Variants in HEY2 observed in about 807,000 individuals in gnomAD.
The protein encoded by HEY2 is hes related family bHLH transcription factor with YRPW motif 2.
In HEY2, 10 loss-of-function variants were observed where a neutral mutation model predicts 18.1. The observed-to-expected ratio is 0.55, with a 90% CI of 0.34 to 0.94. The LOEUF (loss-of-function observed/expected upper bound fraction) is 0.94, where lower values mean the gene tolerates loss of function less well. HEY2 is among the 40% of genes least tolerant of loss of function. The pLI is 0.02. For missense variants in HEY2, 455 were observed against 455.9 expected, an observed-to-expected ratio of 1.00 and a Z score of 0.02; for synonymous variants, 210 against 182.7, an observed-to-expected ratio of 1.15 and a Z score of -1.21.
Position 125,754,562 on chromosome 6 carries a change from C to CTT in HEY2, c.328+16_328+17insTT. On this transcript the variant is annotated intron_variant, in intron 4 of 4. Transcript: ENST00000368364. ...GGGGGTAAAGGTAAGTAGATGACTT[C>CTT]ATTTTTTTTTTTTTTTGCCTTTTTT... 1.7e-6 allele frequency: 2 copies of CTT among 1,172,456 alleles called. No homozygotes were observed. The highest frequency in any genetic ancestry group is 2.4e-5 in the Admixed American group (1 of 41,048). 72.6% of individuals were successfully genotyped at this position (1,172,456 alleles called of 1,614,324 possible).
chr6:125,758,278 C>T (rs1773705165), intron 4 of HEY2, among the ~76,000 whole-genome samples: 1 of 152,052 alleles, frequency 6.6e-6, no homozygotes, highest in African/African-American at 2.4e-5. Context: ...ATGGTAGTAA[C>T]CATAGGTATA....
rs1276325192 is a variant in HEY2, at chr6:125,760,552, T to G, written c.*750T>G. On this transcript the variant is annotated 3_prime_UTR_variant, in exon 5 of 5. Transcript: ENST00000368364. ...GCCTGCAGGCCCCCAGGCACTTTTT[T>G]TTTTGGATGGCTCAAAATATGGTGC... 2.0e-5 allele frequency: 3 copies of G among 152,198 alleles called. No homozygotes were observed. Among genetic ancestry groups the G allele is most frequent in the Admixed American group, 6.5e-5 (1 of 15,286 alleles). 9.4% of individuals were successfully genotyped at this position (152,198 alleles called of 1,614,324 possible).
chr6:125,758,994 T>C (rs1390632936), intron 4 of HEY2, 123 bp from the exon 5 acceptor site: 5 of 673,698 alleles, frequency 7.4e-6, no homozygotes, highest in Non-Finnish European at 1.2e-5. Context: ...ATCGTTCCAC[T>C]TCAGTCTTCT....
At position 125,752,441 on chromosome 6, in the gene HEY2, A is replaced by AAAC. The variant is rs747487024; in HGVS notation, c.246+352_246+354dup. Among the ~76,000 whole-genome samples the AAAC allele has an allele frequency of 1.1e-3, 174 of 151,784 alleles. 1 individual carries two copies. The highest frequency in any genetic ancestry group is 3.7e-3 in the South Asian group (18 of 4,818). ...ACCGTATCCTTCAAAAAAAAAAAAAAAACCATTTTTTTCTCAAAATTTTTT... is the reference window on the plus strand; with the variant it reads ...ACCGTATCCTTCAAAAAAAAAAAAAAAACAACCATTTTTTTCTCAAAATTTTTT... On this transcript the variant is annotated intron_variant, in intron 3 of 4. Coordinates refer to ENST00000368364, the MANE Select transcript of HEY2 (RefSeq NM_012259.3).
chr6:125,759,320 C>A lies in HEY2; in HGVS notation c.532C>A (p.His178Asn). ...AMTSSMAHHH[H>N]PLHPHHWAAA... is the part of the protein sequence containing the mutation. ...GACATCCTCCATGGCCCACCACCAT[C>A]ATCCGCTCCACCCGCATCACTGGGC... Residue 178 changes from histidine (H) to asparagine (N), a missense_variant, in exon 5 of 5, where the codon CAT (histidine) becomes AAT (asparagine). His to Asn is a moderately conservative substitution (Grantham distance 68). Transcript: ENST00000368364. 1 of 1,605,638 alleles carries A rather than the reference C, an allele frequency of 6.2e-7. No homozygotes were observed. The highest frequency in any genetic ancestry group is 1.1e-5 in the South Asian group (1 of 90,798).
At position 125,749,755 on chromosome 6, in the gene HEY2, G is replaced by C. The variant is rs532500814; in HGVS notation, c.-22G>C. 6.4e-6 allele frequency: 10 copies of C among 1,551,740 alleles called. No homozygotes were observed. The African/African-American group carries it at 9.6e-5, about 15-fold the overall frequency. ...GCGTCCGAGCTTCCGGCCGGGCTGTGCCCCGCGCGGTCTTCGCCGGGATGA... is the reference window on the plus strand; with the variant it reads ...GCGTCCGAGCTTCCGGCCGGGCTGTCCCCCGCGCGGTCTTCGCCGGGATGA... On this transcript the variant is annotated 5_prime_UTR_variant, in exon 1 of 5. Coordinates refer to ENST00000368364, the MANE Select transcript of HEY2 (RefSeq NM_012259.3).
intron 4 of HEY2, 24 bp downstream of exon 4, chr6:125,754,570 T>C: frequency 1.4e-6 from 2 of 1,411,168 alleles, no homozygotes; most frequent in Non-Finnish European, 2.0e-6. Context: ...TTCATTTTTT[T>C]TTTTTTTTGC....
chr6:125,756,489 C>T (rs1211615797), intron 4 of HEY2, among the ~76,000 whole-genome samples: 3 of 152,088 alleles, frequency 2.0e-5, no homozygotes, highest in Non-Finnish European at 2.9e-5. Flanking sequence ...ATTGCTTGAA[C>T]CCGGGAGGCA....
Position 125,754,509 on chromosome 6 carries a change from G to C in HEY2, c.291G>C (p.Val97=), listed in dbSNP as rs1399586441. The C allele has an allele frequency of 2.5e-6, 4 of 1,602,426 alleles. No individual in the cohort carries two copies. Among genetic ancestry groups the C allele is most frequent in the Non-Finnish European group, 3.4e-6 (4 of 1,174,204 alleles). Residue 97 remains valine, a synonymous_variant, in exon 4 of 5, where the codon GTG becomes GTC. Coordinates refer to ENST00000368364, the MANE Select transcript of HEY2 (RefSeq NM_012259.3). ...AAGCTGAAATATTGCAAATGACAGTGGATCATTTGAAGATGCTTCAGGCAA... is the reference window on the plus strand; with the variant it reads ...AAGCTGAAATATTGCAAATGACAGTCGATCATTTGAAGATGCTTCAGGCAA... ...LEKAEILQMT[V]DHLKMLQATG...
chr6:125,749,660 G>A lies in HEY2; in HGVS notation c.-117G>A. 1 of 597,066 alleles carries A rather than the reference G, an allele frequency of 1.7e-6. No homozygotes were observed. The highest frequency in any genetic ancestry group is 2.7e-6 in the Non-Finnish European group (1 of 376,608). The allele number at this position is 597,066 out of a possible 1,614,324, so 37.0% of individuals were successfully genotyped here. The stretch of plus-strand genomic sequence containing the variant: ...AGAGCCGCTAGGAGCAGACCGCGCC[G>A]CCGCCGGAGCCGCGCCTGCCCAGGC... On this transcript the variant is annotated 5_prime_UTR_variant, in exon 1 of 5. Transcript: ENST00000368364.
chr6:125,759,526 C>G lies in HEY2; in HGVS notation c.738C>G (p.Val246=). The change falls in exon 5 of 5, where the codon GTC becomes GTG. Residue 246 remains valine, a synonymous_variant. Transcript: ENST00000368364. The part of the protein sequence containing the change: ...SALRMPSTGS[V]APCVPPLSTS... ...TCCGAATGCCATCCACGGGCAGCGT[C>G]GCCCCCTGCGTGCCACCTCTCTCCA... is the stretch of plus-strand genomic sequence containing the variant. 6.2e-7 allele frequency: 1 copy of G among 1,611,066 alleles called. No individual in the cohort carries two copies.
At chr6:125,754,435 G>T (rs757671162) in intron 3 of HEY2, 30 bp from the exon 4 acceptor site, 4 of 1,304,426 alleles carry the variant, frequency 3.1e-6, no homozygotes, top group South Asian at 2.8e-5. Flanking sequence ...TAGGACATAG[G>T]ATTATTTATT....
intron 3 of HEY2, 35 bp downstream of exon 3, chr6:125,752,125 C>G: frequency 8.2e-7 from 1 of 1,220,414 alleles, no homozygotes; most frequent in African/African-American, 1.6e-5. Context: ...CCCCCACCCA[C>G]CCCGCCACCC....
chr6:125,752,132 AC>A, intron 3 of HEY2, 42 bp downstream of exon 3: 2 of 758,660 alleles, frequency 2.6e-6, no homozygotes, highest in Non-Finnish European at 3.4e-6. Flanking sequence ...CCACCCCGCC[AC>A]CCCCCAAAAA....
At chr6:125,750,409 C>A (rs1023861328) in intron 1 of HEY2, 1 of 985,044 alleles carries the variant, frequency 1.0e-6, no homozygotes, top group African/African-American at 1.7e-5. Flanking sequence ...GGCATCATTT[C>A]TTTGACTGCT....
chr6:125,751,751 A>G (rs1247745543), intron 1 of HEY2, 50 bp from the exon 2 acceptor site: 2 of 1,232,190 alleles, frequency 1.6e-6, no homozygotes, highest in Non-Finnish European at 2.4e-6. Flanking sequence ...ACCCAGAAGA[A>G]ACTATTGTTA....
intron 3 of HEY2, 24 bp from the exon 4 acceptor site, chr6:125,754,441 T>G (rs1751574482): frequency 7.5e-7 from 1 of 1,336,440 alleles, no homozygotes; most frequent in Non-Finnish European, 1.0e-6. Flanking sequence ...ATAGGATTAT[T>G]TATTTATTTA....
At position 125,759,564 on chromosome 6, in the gene HEY2, C is replaced by T; in HGVS notation, c.776C>T (p.Ser259Phe). 3 of 1,610,938 alleles carry T rather than the reference C, an allele frequency of 1.9e-6. No individual in the cohort carries two copies. The highest frequency in any genetic ancestry group is 1.1e-5 in the South Asian group (1 of 91,076). ...CCACCTCTCTCCACCTCTCTCTTGT[C>T]CCTCTCTGCCACCGTCCACGCCGCA... The part of the protein sequence containing the change: ...CVPPLSTSLL[S>F]LSATVHAAAA... Residue 259 changes from serine to phenylalanine, a missense_variant, in exon 5 of 5, where the codon TCC becomes TTC. Coordinates refer to ENST00000368364, the MANE Select transcript of HEY2 (RefSeq NM_012259.3).
Position 125,752,003 on chromosome 6 carries a change from A to T in HEY2, c.163-4A>T. 1 of 1,611,822 alleles carries T rather than the reference A, an allele frequency of 6.2e-7. No homozygotes were observed. Among genetic ancestry groups the T allele is most frequent in the Non-Finnish European group, 8.5e-7 (1 of 1,178,320 alleles). On this transcript the variant is annotated splice_polypyrimidine_tract_variant and splice_region_variant and intron_variant, in intron 2 of 4. Coordinates refer to ENST00000368364, the MANE Select transcript of HEY2 (RefSeq NM_012259.3). ...AACTTTTGTTGTTTGCTTCTTTTGG[A>T]TAGATTATAGAGAAAAGGCGTCGGG...
Sources: gnomAD v4.1 joint callset for allele counts (sites outside exome capture counted in the v4.1 genomes callset) on GRCh38, gnomAD v4.1.1 for gene constraint, MANE v1.5 for transcripts, NCBI Gene and HGNC (gene_info 2026-07-23, HGNC 2026-07-21) for gene names.